The following UBL5 variants were observed in gnomAD, a reference collection of about 807,000 sequenced individuals.
UBL5 encodes ubiquitin like 5, also known as ubiquitin-like protein 5.
Under a neutral mutation model 11.7 loss-of-function variants are expected in UBL5, and 13 were observed. The ratio of observed to expected loss-of-function variants is 1.11; its 90% confidence interval spans 0.73 to 1.77. UBL5 has a LOEUF of 1.77. UBL5 is among the 40% of genes most tolerant of loss of function. UBL5 has a pLI of 0.00. For missense variants in UBL5, 58 were observed against 92.3 expected, an observed-to-expected ratio of 0.63 and a Z score of 1.52; for synonymous variants, 28 against 34.7, an observed-to-expected ratio of 0.81 and a Z score of 0.68.
Position 9,828,660 on chromosome 19 carries a change from T to G in UBL5, c.125T>G (p.Ile42Ser). The G allele has an allele frequency of 6.2e-7, 1 of 1,614,212 alleles. No homozygotes were observed. The highest frequency in any genetic ancestry group is 8.5e-7 in the Non-Finnish European group (1 of 1,180,042). Residue 42 changes from isoleucine (I) to serine (S), a missense_variant, in exon 3 of 5, where the codon ATT (isoleucine) becomes AGT (serine). Ile to Ser is a moderately radical substitution (Grantham distance 142). Coordinates refer to ENST00000586895, the MANE Select transcript of UBL5 (RefSeq NM_001048241.3). The part of the protein sequence containing the change: ...AAQTGTRWNK[I>S]VLKKWYTIFK... Reference sequence around the variant, plus strand: ...CAAACTGGTACCCGTTGGAACAAGATTGTCCTGAAGAAGTGGTGAGTGCAG... The same window carrying G: ...CAAACTGGTACCCGTTGGAACAAGAGTGTCCTGAAGAAGTGGTGAGTGCAG...
At chr19:9,828,032 AC>A (rs2046033697) in intron 1 of UBL5, 48 bp downstream of exon 1, 1 of 498,244 alleles carries the variant, frequency 2.0e-6, no homozygotes, top group African/African-American at 1.9e-5. Flanking sequence ...AGCTGTCGCG[AC>A]CCAGCCACCC....
chr19:9,829,044 G>A (rs1015610890), intron 4 of UBL5, 170 bp downstream of exon 4: 7 of 670,446 alleles, frequency 1.0e-5, no homozygotes, highest in Non-Finnish European at 1.8e-5. Flanking sequence ...GGGGAGGAGA[G>A]TGGTTGGTGA....
Position 9,828,889 on chromosome 19 carries a change from A to T in UBL5, c.178+15A>T, listed in dbSNP as rs371956707. 19 of 1,613,834 alleles carry T rather than the reference A, an allele frequency of 1.2e-5. No homozygotes were observed. In the African/African-American group the frequency reaches 2.3e-4, roughly 19 times the overall value. ...TCTGGGGGACTGTATCCTTTGTGTG[A>T]CTTTTTGAGGAAGCATCTACATACC... On this transcript the variant is annotated intron_variant, in intron 4 of 4. Transcript: ENST00000586895.
chr19:9,829,179 T>G (rs2046041905), intron 4 of UBL5: 1 of 361,110 alleles, frequency 2.8e-6, no homozygotes, highest in African/African-American at 2.1e-5. Flanking sequence ...TTTTTACAAT[T>G]TTTATTTTAT....
chr19:9,828,510 G>A, intron 2 of UBL5, 82 bp from the exon 3 acceptor site: 2 of 1,605,358 alleles, frequency 1.2e-6, no homozygotes, highest in Non-Finnish European at 1.7e-6. Context: ...GGCGGATGGG[G>A]TCCTGGCAGA....
rs981196833 is a variant in UBL5, at chr19:9,828,610, G to A, written c.75G>A (p.Gly25=). 1.2e-6 allele frequency: 2 copies of A among 1,614,032 alleles called. No individual in the cohort carries two copies. Among genetic ancestry groups the A allele is most frequent in the African/African-American group, 2.7e-5 (2 of 74,912 alleles). ...RVKCNTDDTI[G]DLKKLIAAQT... ...CGCCCAGCACGGATGATACCATCGG[G>A]GACCTTAAGAAGCTGATTGCAGCCC... is the stretch of plus-strand genomic sequence containing the variant. The change falls in exon 3 of 5, where the codon GGG becomes GGA. Residue 25 remains glycine (G), a synonymous_variant. Transcript: ENST00000586895.
At chr19:9,829,272 CTCCCGGGT>C (rs1467925933) in intron 4 of UBL5, 6 of 183,916 alleles carry the variant, frequency 3.3e-5, no homozygotes, top group Admixed American at 2.2e-4. Flanking sequence ...CAACCTCCAC[CTCCCGGGT>C]TCAAGCAATT....
chr19:9,829,017 T>C lies in UBL5; in HGVS notation c.178+143T>C, dbSNP rs538373879. 3 of 790,550 alleles carry C rather than the reference T, an allele frequency of 3.8e-6. No individual in the cohort carries two copies. In the East Asian group the frequency reaches 7.5e-5, roughly 20 times the overall value. The allele number at this position is 790,550 out of a possible 1,614,324, so 49.0% of individuals were successfully genotyped here. On this transcript the variant is annotated intron_variant, in intron 4 of 4. Coordinates refer to ENST00000586895, the MANE Select transcript of UBL5 (RefSeq NM_001048241.3). ...TGGTGAGCACTTAGAAAATGGGAGC[T>C]AGGTAATTATTTGGTTGGGGAGGAG... is the stretch of plus-strand genomic sequence containing the variant.
At chr19:9,828,114 G>A (rs2046034397) in intron 1 of UBL5, 130 bp downstream of exon 1, 2 of 599,350 alleles carry the variant, frequency 3.3e-6, no homozygotes, top group South Asian at 4.0e-5. Flanking sequence ...GAGAAGGGGC[G>A]GAGGCGCGGC....
At chr19:9,828,301 T>TACC in intron 1 of UBL5, 26 bp from the exon 2 acceptor site, 3 of 1,597,588 alleles carry the variant, frequency 1.9e-6, no homozygotes, top group Non-Finnish European at 2.6e-6. Context: ...CTTTGCTGCC[T>TACC]CCCACCCACC....
chr19:9,828,542 C>G, intron 2 of UBL5, 50 bp from the exon 3 acceptor site: 1 of 1,612,482 alleles, frequency 6.2e-7, no homozygotes, highest in Non-Finnish European at 8.5e-7. Context: ...CCTAGAATGT[C>G]CTCTTCCTCG....
chr19:9,828,649 T>C lies in UBL5; in HGVS notation c.114T>C (p.Arg38=), dbSNP rs2046038968. 2 of 1,614,198 alleles carry C rather than the reference T, an allele frequency of 1.2e-6. No individual in the cohort carries two copies. The highest frequency in any genetic ancestry group is 2.7e-5 in the African/African-American group (2 of 75,050). The change falls in exon 3 of 5, where the codon CGT becomes CGC. Residue 38 remains arginine, a synonymous_variant. Coordinates refer to ENST00000586895, the MANE Select transcript of UBL5 (RefSeq NM_001048241.3). The part of the protein sequence containing the change: ...KKLIAAQTGT[R]WNKIVLKKWY... ...TGATTGCAGCCCAAACTGGTACCCG[T>C]TGGAACAAGATTGTCCTGAAGAAGT...
chr19:9,828,440 G>C, intron 2 of UBL5, 47 bp downstream of exon 2: 1 of 1,611,952 alleles, frequency 6.2e-7, no homozygotes, highest in Non-Finnish European at 8.5e-7. Context: ...GGGGTGCTTG[G>C]CGTGAGGCAG....
rs760847798 is a variant in UBL5 at position 9,828,607 on chromosome 19, C to T, written c.72C>T (p.Ile24=). Residue 24 remains isoleucine, a synonymous_variant, in exon 3 of 5, where the codon ATC becomes ATT. Coordinates refer to ENST00000586895, the MANE Select transcript of UBL5 (RefSeq NM_001048241.3). ...CTGCGCCCAGCACGGATGATACCAT[C>T]GGGGACCTTAAGAAGCTGATTGCAG... ...VRVKCNTDDT[I]GDLKKLIAAQ... 1 of 1,614,084 alleles carries T rather than the reference C, an allele frequency of 6.2e-7. No individual in the cohort carries two copies. The highest frequency in any genetic ancestry group is 8.5e-7 in the Non-Finnish European group (1 of 1,180,046).
At chr19:9,829,864 A>G in intron 4 of UBL5, 101 bp from the exon 5 acceptor site, 1 of 1,366,892 alleles carries the variant, frequency 7.3e-7, no homozygotes. Flanking sequence ...GGGCTTCCTT[A>G]GCCCTGGGCT....
At chr19:9,829,642 C>T (rs971888569) in intron 4 of UBL5, 10 of 261,852 alleles carry the variant, frequency 3.8e-5, no homozygotes, top group African/African-American at 2.2e-4. Context: ...ATTACAGGTG[C>T]CCACCACCAC....
At chr19:9,829,218 C>T (rs187133584) in intron 4 of UBL5, 1 of 241,578 alleles carries the variant, frequency 4.1e-6, no homozygotes, top group African/African-American at 2.3e-5. Context: ...CAGTCTGGCT[C>T]TGTCGCCCAG....
At chr19:9,828,727 T>C (rs745642578) in intron 3 of UBL5, 52 bp downstream of exon 3, 32 of 1,613,266 alleles carry the variant, frequency 2.0e-5, no homozygotes, top group African/African-American at 2.7e-5. Context: ...CGGAAGGTTT[T>C]GGTTGGGGGA....
At chr19:9,828,066 T>C in intron 1 of UBL5, 82 bp downstream of exon 1, 2 of 551,574 alleles carry the variant, frequency 3.6e-6, no homozygotes, top group Non-Finnish European at 6.5e-6. Context: ...CGGTGGGAGG[T>C]GAGGCCAGGG....
Sources: allele counts gnomAD v4.1 joint callset, GRCh38; gene constraint gnomAD v4.1.1; transcripts MANE v1.5; gene names NCBI Gene and HGNC (gene_info 2026-07-23, HGNC 2026-07-21).